FBXL17: variants seen among roughly 807,000 people sequenced by gnomAD.
The protein encoded by FBXL17 is F-box/LRR-repeat protein 17.
A neutral mutation model predicts 66.2 loss-of-function variants in FBXL17; 22 were observed. The ratio of observed to expected loss-of-function variants is 0.33; its 90% CI spans 0.24 to 0.47. The LOEUF (loss-of-function observed/expected upper bound fraction) is 0.47, where lower values mean the gene tolerates loss of function less well. Ranked by LOEUF, FBXL17 falls within the 20% of genes least tolerant of loss-of-function variation. The pLI, the probability that FBXL17 is intolerant of heterozygous loss-of-function variation, is 1.00. For synonymous variants in FBXL17, 474 were observed against 400.5 expected (o/e 1.18, Z -2.19); for missense variants, 878 against 948.2 (o/e 0.93, Z 0.97).
intron 6 of FBXL17, among the ~76,000 whole-genome samples, chr5:108,036,468 T>G (rs575623987): frequency 2.6e-5 from 4 of 152,188 alleles, no homozygotes; most frequent in African/African-American, 9.6e-5. Flanking sequence ...TTTCTTCATT[T>G]ACATTCCGTA....
chr5:108,237,108 C>T (rs1450120595), intron 4 of FBXL17, among the ~76,000 whole-genome samples: 2 of 152,176 alleles, frequency 1.3e-5, no homozygotes, highest in Admixed American at 6.5e-5. Context: ...AACAGCTACC[C>T]TAGTCCACTG....
intron 4 of FBXL17, among the ~76,000 whole-genome samples, chr5:108,312,256 A>T (rs1017178478): frequency 6.6e-6 from 1 of 152,144 alleles, no homozygotes; most frequent in East Asian, 1.9e-4. Context: ...AAAAAACACA[A>T]TTTTTAAAAA....
chr5:108,361,854 G>GT (rs1748357795), intron 3 of FBXL17, among the ~76,000 whole-genome samples: 1 of 152,070 alleles, frequency 6.6e-6, no homozygotes, highest in Non-Finnish European at 1.5e-5. Context: ...TGCAAATAAG[G>GT]TCTGCTCTGT....
At chr5:107,928,795 A>T (rs2112571628) in intron 7 of FBXL17, among the ~76,000 whole-genome samples, 1 of 152,292 alleles carries the variant, frequency 6.6e-6, no homozygotes, top group South Asian at 2.1e-4. Context: ...GCTCACCTAC[A>T]ATTACACAAT....
intron 6 of FBXL17, among the ~76,000 whole-genome samples, chr5:108,079,568 G>C (rs905600225): frequency 1.3e-5 from 2 of 152,214 alleles, no homozygotes; most frequent in African/African-American, 4.8e-5. Flanking sequence ...AGGACCAGAA[G>C]AAGTATTGGA....
intron 7 of FBXL17, among the ~76,000 whole-genome samples, chr5:107,907,978 T>C (rs6859360): frequency 0.13 from 19,968 of 152,150 alleles, 1,711 homozygotes; most frequent in African/African-American, 0.22. Flanking sequence ...TCATGCTGCT[T>C]TAAAGACACA....
chr5:108,318,660 G>C (rs1319154361), intron 4 of FBXL17, among the ~76,000 whole-genome samples: 2 of 151,818 alleles, frequency 1.3e-5, no homozygotes, highest in African/African-American at 2.4e-5. Context: ...ATCATAAATA[G>C]GAAACAGAAA....
chr5:107,966,103 T>C (rs1034977332), intron 7 of FBXL17, among the ~76,000 whole-genome samples: 1 of 152,140 alleles, frequency 6.6e-6, no homozygotes, highest in East Asian at 1.9e-4. Context: ...TAAACAATAA[T>C]AAAAAGCCTG....
intron 7 of FBXL17, among the ~76,000 whole-genome samples, chr5:107,989,297 C>G (rs539777370): frequency 2.0e-5 from 3 of 152,042 alleles, no homozygotes; most frequent in Admixed American, 1.3e-4. Flanking sequence ...CTCCCTACCC[C>G]CTTCCCAGTC....
intron 7 of FBXL17, among the ~76,000 whole-genome samples, chr5:108,003,948 G>C (rs1244828692): frequency 6.6e-6 from 1 of 152,066 alleles, no homozygotes; most frequent in Non-Finnish European, 1.5e-5. Flanking sequence ...ACTAATTAAA[G>C]AACTGAGTCC....
intron 4 of FBXL17, among the ~76,000 whole-genome samples, chr5:108,312,074 C>T (rs763147419): frequency 4.6e-5 from 7 of 151,940 alleles, no homozygotes; most frequent in Non-Finnish European, 1.0e-4. Flanking sequence ...TTCCAGGACT[C>T]AAAAAGATAT....
At chr5:107,952,995 T>C (rs933549894) in intron 7 of FBXL17, among the ~76,000 whole-genome samples, 3 of 152,166 alleles carry the variant, frequency 2.0e-5, no homozygotes, top group African/African-American at 7.2e-5. Context: ...ACAGGTCAGA[T>C]GTACTTTTGT....
chr5:108,107,502 C>T (rs1340058016), intron 6 of FBXL17, among the ~76,000 whole-genome samples: 1 of 152,058 alleles, frequency 6.6e-6, no homozygotes, highest in African/African-American at 2.4e-5. Context: ...GACAATTTCA[C>T]TTTGTTAGAT....
chr5:108,129,160 T>C (rs1162940861), intron 6 of FBXL17, among the ~76,000 whole-genome samples: 1 of 152,136 alleles, frequency 6.6e-6, no homozygotes, highest in Non-Finnish European at 1.5e-5. Context: ...TCTACTGTTA[T>C]TGCATCCTGA....
chr5:108,340,764 C>G (rs1460239841), intron 4 of FBXL17, among the ~76,000 whole-genome samples: 1 of 152,108 alleles, frequency 6.6e-6, no homozygotes, highest in Non-Finnish European at 1.5e-5. Context: ...AAAGCATGCA[C>G]AATGCAGTAG....
chr5:108,138,631 CAT>C (rs1751235630), intron 6 of FBXL17, among the ~76,000 whole-genome samples: 2 of 152,168 alleles, frequency 1.3e-5, no homozygotes. Context: ...CTCACTTACA[CAT>C]AGCCTTTATT....
intron 4 of FBXL17, chr5:108,299,195 GACCTTTAT>G: frequency 1.0e-6 from 1 of 984,800 alleles, no homozygotes; most frequent in Non-Finnish European, 1.2e-6. Flanking sequence ...GGCAGAGTTG[GACCTTTAT>G]ACCTTTATGA....
At chr5:108,013,310 A>G (rs2112745070) in intron 7 of FBXL17, among the ~76,000 whole-genome samples, 1 of 152,342 alleles carries the variant, frequency 6.6e-6, no homozygotes, top group Middle Eastern at 3.4e-3. Flanking sequence ...TGAATTTTCA[A>G]CTAGAATATT....
At chr5:108,115,810 G>T (rs1750225530) in intron 6 of FBXL17, among the ~76,000 whole-genome samples, 1 of 152,136 alleles carries the variant, frequency 6.6e-6, no homozygotes, top group Non-Finnish European at 1.5e-5. Context: ...CAAAGAGAAG[G>T]CCCCAAGATA....
Sources: allele counts gnomAD v4.1 joint callset (sites outside exome capture counted in the v4.1 genomes callset), GRCh38; gene constraint gnomAD v4.1.1; transcripts MANE v1.5; gene names NCBI Gene and HGNC (gene_info 2026-07-23, HGNC 2026-07-21).